Variants in CNOT4 observed in about 807,000 individuals in gnomAD.
CNOT4 encodes the protein CCR4-NOT transcription complex subunit 4, also known as CCR4-associated factor 4.
Under a neutral mutation model 73.8 loss-of-function variants are expected in CNOT4, and 8 were observed. The observed-to-expected ratio is 0.11, with a 90% CI of 0.06 to 0.20. The LOEUF is 0.20. CNOT4 is among the 10% of genes least tolerant of loss of function. CNOT4 has a pLI of 1.00. For missense variants in CNOT4, 564 were observed against 883.4 expected (o/e 0.64, Z 4.58); for synonymous variants, 293 against 321.1 (o/e 0.91, Z 0.94).
chr7:135,470,953 A>G (rs1801540962), intron 1 of CNOT4, among the ~76,000 whole-genome samples: 1 of 152,230 alleles, frequency 6.6e-6, no homozygotes, highest in South Asian at 2.1e-4. Context: ...ATTTAAGATT[A>G]TGTATTTCAT....
chr7:135,472,514 A>AATATATATATATATATATATAT (rs1249555091), intron 1 of CNOT4, among the ~76,000 whole-genome samples: 2 of 19,840 alleles, frequency 1.0e-4, no homozygotes, highest in Non-Finnish European at 1.7e-4. Flanking sequence ...AAAAAAAAAA[A>AATATATATATATATATATATAT]ATATATATAT....
chr7:135,487,630 AAATGCCTAAC>A (rs1802816671), intron 1 of CNOT4, among the ~76,000 whole-genome samples: 1 of 152,178 alleles, frequency 6.6e-6, no homozygotes. Context: ...AATTATTTCC[AAATGCCTAAC>A]AAAGCCACTT....
At chr7:135,509,729 A>C (rs1804619616) in intron 1 of CNOT4, 160 bp downstream of exon 1, 6 of 264,498 alleles carry the variant, frequency 2.3e-5, no homozygotes, top group East Asian at 6.7e-5. Context: ...AGAGGGAGGA[A>C]GAGGAGGAGG....
chr7:135,477,130 T>A (rs1308073246), intron 1 of CNOT4, among the ~76,000 whole-genome samples: 1 of 152,090 alleles, frequency 6.6e-6, no homozygotes, highest in Admixed American at 6.6e-5. Context: ...TCACTCGAGG[T>A]CAGGAGTTCG....
intron 10 of CNOT4, among the ~76,000 whole-genome samples, chr7:135,368,680 C>T (rs1795040867): frequency 6.6e-6 from 1 of 152,202 alleles, no homozygotes. Context: ...CCTCCTCCCA[C>T]ACCAAACCTG....
At chr7:135,420,577 C>CAAAAAAAA (rs71174521) in intron 3 of CNOT4, among the ~76,000 whole-genome samples, 1 of 53,370 alleles carries the variant, frequency 1.9e-5, no homozygotes, top group Non-Finnish European at 3.5e-5. Flanking sequence ...ACCATGTCTC[C>CAAAAAAAA]AAAAAAAAAA....
intron 2 of CNOT4, among the ~76,000 whole-genome samples, chr7:135,424,293 A>G (rs1798370082): frequency 6.6e-6 from 1 of 152,128 alleles, no homozygotes; most frequent in African/African-American, 2.4e-5. Context: ...ATCTTAATCT[A>G]TCTGCCTGGA....
rs763977175 is a variant in CNOT4, at chr7:135,394,402, T to C, written c.1143A>G (p.Val381=). 3.7e-6 allele frequency: 6 copies of C among 1,606,696 alleles called. No individual in the cohort carries two copies. The highest frequency in any genetic ancestry group is 5.1e-6 in the Non-Finnish European group (6 of 1,176,512). Reference sequence around the variant, plus strand: ...CTGCTTGCCAGTCTGTAGAGGATGATACTGGGATTGTTTCTGTTGGGAAGA... The same window carrying C: ...CTGCTTGCCAGTCTGTAGAGGATGACACTGGGATTGTTTCTGTTGGGAAGA... ...QSLFTSETIP[V]SSSTDWQAAF... is the part of the protein sequence containing the mutation. Residue 381 remains valine, a synonymous_variant, in exon 10 of 12, where the codon GTA becomes GTG. Transcript: ENST00000541284.
chr7:135,488,875 A>T (rs566441191), intron 1 of CNOT4, among the ~76,000 whole-genome samples: 51 of 152,318 alleles, frequency 3.3e-4, no homozygotes, highest in African/African-American at 1.1e-3. Context: ...AGAAAGAATA[A>T]GTTATGCTTG....
At chr7:135,453,826 T>TATATATATATATA (rs1800335679) in intron 1 of CNOT4, among the ~76,000 whole-genome samples, 6 of 89,900 alleles carry the variant, frequency 6.7e-5, no homozygotes, top group Non-Finnish European at 1.1e-4. Flanking sequence ...TATATATATT[T>TATATATATATATA]TATATATATA....
intron 2 of CNOT4, among the ~76,000 whole-genome samples, chr7:135,426,740 T>G (rs555261480): frequency 6.6e-6 from 1 of 151,798 alleles, no homozygotes; most frequent in Non-Finnish European, 1.5e-5. Context: ...CTGGCCAACA[T>G]GGTGAAACCC....
intron 2 of CNOT4, among the ~76,000 whole-genome samples, chr7:135,423,582 T>C (rs1186129248): frequency 6.6e-6 from 1 of 152,154 alleles, no homozygotes; most frequent in African/African-American, 2.4e-5. Context: ...GTATATACCC[T>C]GAGGTCTCCA....
chr7:135,374,640 C>T (rs1795416584), intron 10 of CNOT4, among the ~76,000 whole-genome samples: 1 of 17,650 alleles, frequency 5.7e-5, no homozygotes, highest in Non-Finnish European at 1.7e-4. Flanking sequence ...TAAATTAAAA[C>T]TCTTAACATT....
intron 1 of CNOT4, among the ~76,000 whole-genome samples, chr7:135,463,575 C>A (rs113302771): frequency 6.8e-6 from 1 of 147,586 alleles, no homozygotes; most frequent in Non-Finnish European, 1.5e-5. Context: ...ACCAACCAAC[C>A]ACCGTGGAAG....
intron 7 of CNOT4, among the ~76,000 whole-genome samples, chr7:135,406,558 G>A (rs1439128270): frequency 6.6e-6 from 1 of 152,074 alleles, no homozygotes; most frequent in Non-Finnish European, 1.5e-5. Context: ...CTATTCAGAA[G>A]GCTGAGGTGG....
At chr7:135,425,206 C>A (rs1235000969) in intron 2 of CNOT4, among the ~76,000 whole-genome samples, 1 of 152,190 alleles carries the variant, frequency 6.6e-6, no homozygotes, top group Non-Finnish European at 1.5e-5. Context: ...GCGTAAGAAG[C>A]AATGATGTAA....
intron 2 of CNOT4, among the ~76,000 whole-genome samples, chr7:135,434,739 A>G (rs1208242097): frequency 6.6e-6 from 1 of 152,214 alleles, no homozygotes; most frequent in Non-Finnish European, 1.5e-5. Flanking sequence ...TGTCTACTCA[A>G]TATCTCCACT....
At position 135,364,804 on chromosome 7, in the gene CNOT4, T is replaced by G. The variant is rs776753429; in HGVS notation, c.1628-738A>C. Among the ~76,000 whole-genome samples the G allele has an allele frequency of 1.3e-5, 2 of 152,296 alleles. No individual in the cohort carries two copies. The highest frequency in any genetic ancestry group is 1.3e-4 in the Admixed American group (2 of 15,298). ...GTCTATTTATGAATAGTATCAAACATGAGAAGACACTAGCAACATAGAAAA... is the reference window on the plus strand; with the variant it reads ...GTCTATTTATGAATAGTATCAAACAGGAGAAGACACTAGCAACATAGAAAA... On this transcript the variant is annotated intron_variant, in intron 10 of 11. Transcript: ENST00000541284. This position sits in a 1 kb window ranked among gnomAD's most constrained non-coding sequence, Gnocchi z 4.3.
intron 10 of CNOT4, among the ~76,000 whole-genome samples, chr7:135,369,695 A>G (rs1795094890): frequency 6.6e-6 from 1 of 152,166 alleles, no homozygotes; most frequent in Middle Eastern, 3.2e-3. Flanking sequence ...ACCTTTGTGC[A>G]TTTTTAGAAG....
Sources: allele counts gnomAD v4.1 joint callset (sites outside exome capture counted in the v4.1 genomes callset), GRCh38; gene constraint gnomAD v4.1.1; non-coding constraint Gnocchi (gnomAD v3.1); transcripts MANE v1.5; gene names NCBI Gene and HGNC (gene_info 2026-07-23, HGNC 2026-07-21).